ST6GALNAC3: variants seen among roughly 807,000 people sequenced by gnomAD.
ST6GALNAC3 encodes alpha-N-acetylgalactosaminide alpha-2,6-sialyltransferase 3.
A neutral mutation model predicts 32.7 loss-of-function variants in ST6GALNAC3; 25 were observed. That is an observed-to-expected ratio of 0.76 (90% CI 0.56 to 1.07). The LOEUF is 1.07. ST6GALNAC3 is among the 50% of genes least tolerant of loss of function. The pLI, the probability that ST6GALNAC3 is intolerant of heterozygous loss-of-function variation, is 0.00. For missense variants in ST6GALNAC3, 355 were observed against 382.4 expected, an observed-to-expected ratio of 0.93 and a Z score of 0.60; for synonymous variants, 129 against 133.1, an observed-to-expected ratio of 0.97 and a Z score of 0.21.
At chr1:76,402,038 A>ATT (rs10665444) in intron 2 of ST6GALNAC3, among the ~76,000 whole-genome samples, 84,814 of 151,060 alleles carry the variant, frequency 0.56, 24,809 homozygotes, top group Non-Finnish European at 0.64. Flanking sequence ...ATGAATTTAT[A>ATT]TTTTTTTTTG....
At chr1:76,197,936 A>G (rs146913043) in intron 1 of ST6GALNAC3, among the ~76,000 whole-genome samples, 3 of 152,296 alleles carry the variant, frequency 2.0e-5, no homozygotes, top group African/African-American at 7.2e-5. Flanking sequence ...GTCTCCAGAT[A>G]TTTCAGGTAT....
chr1:76,325,844 T>C (rs1210748536), intron 2 of ST6GALNAC3, among the ~76,000 whole-genome samples: 1 of 151,574 alleles, frequency 6.6e-6, no homozygotes, highest in Non-Finnish European at 1.5e-5. Flanking sequence ...GTTTCATTGA[T>C]CAACATTTTT....
At chr1:76,373,796 T>C (rs1283325861) in intron 2 of ST6GALNAC3, among the ~76,000 whole-genome samples, 1 of 152,182 alleles carries the variant, frequency 6.6e-6, no homozygotes, top group Non-Finnish European at 1.5e-5. Context: ...GAGAAATAAA[T>C]GTTAGGTTTC....
At chr1:76,363,003 C>T (rs903429207) in intron 2 of ST6GALNAC3, among the ~76,000 whole-genome samples, 3 of 152,260 alleles carry the variant, frequency 2.0e-5, no homozygotes, top group Admixed American at 6.5e-5. Flanking sequence ...CTCCACATCT[C>T]TCCTCCACAT....
intron 1 of ST6GALNAC3, among the ~76,000 whole-genome samples, chr1:76,164,322 T>C (rs1014893487): frequency 1.3e-5 from 2 of 152,136 alleles, no homozygotes; most frequent in African/African-American, 2.4e-5. Context: ...TAAGTCAGTC[T>C]TCAGGCCAGT....
At chr1:76,514,119 C>T (rs1328421859) in intron 3 of ST6GALNAC3, among the ~76,000 whole-genome samples, 2 of 152,052 alleles carry the variant, frequency 1.3e-5, no homozygotes, top group African/African-American at 4.8e-5. Context: ...AATAGTTTGA[C>T]TTTCTTGTTT....
At chr1:76,220,845 GATTGTGACATTTGCACTTTCAAAAAAC>G in intron 1 of ST6GALNAC3, among the ~76,000 whole-genome samples, 1 of 152,288 alleles carries the variant, frequency 6.6e-6, no homozygotes, top group Non-Finnish European at 1.5e-5. Flanking sequence ...GATTATACTT[GATTGTGACATTTGCACTTTCAAAAAAC>G]ATTGCAAAAC....
chr1:76,232,665 C>T (rs1309398383), intron 1 of ST6GALNAC3, among the ~76,000 whole-genome samples: 3 of 152,244 alleles, frequency 2.0e-5, no homozygotes, highest in Admixed American at 6.5e-5. Context: ...CTGTCCTCCC[C>T]ATCACCAAGT....
chr1:76,293,574 C>T (rs1234856401), intron 1 of ST6GALNAC3, among the ~76,000 whole-genome samples: 2 of 152,190 alleles, frequency 1.3e-5, no homozygotes, highest in African/African-American at 4.8e-5. Context: ...ACACCAAAGG[C>T]AGGTGTCCTT....
chr1:76,130,939 G>C (rs189736308), intron 1 of ST6GALNAC3, among the ~76,000 whole-genome samples: 280 of 152,360 alleles, frequency 1.8e-3, no homozygotes, highest in African/African-American at 6.3e-3. Flanking sequence ...CAGGGCCTGG[G>C]CCATGGCTTG....
At chr1:76,409,458 T>C (rs1311467998) in intron 2 of ST6GALNAC3, among the ~76,000 whole-genome samples, 1 of 151,938 alleles carries the variant, frequency 6.6e-6, no homozygotes, top group Non-Finnish European at 1.5e-5. Flanking sequence ...AAGAAACTAA[T>C]TTAAGTTAAT....
chr1:76,478,876 C>G (rs556608881), intron 3 of ST6GALNAC3, among the ~76,000 whole-genome samples: 206 of 149,684 alleles, frequency 1.4e-3, no homozygotes, highest in Admixed American at 1.1e-3. Flanking sequence ...CATTCTCCTG[C>G]CTCAGCCTCC....
intron 1 of ST6GALNAC3, among the ~76,000 whole-genome samples, chr1:76,095,011 C>T (rs985945616): frequency 6.6e-6 from 1 of 152,018 alleles, no homozygotes; most frequent in Non-Finnish European, 1.5e-5. Context: ...TTTCTGGTCA[C>T]CTGTATGTAT....
intron 2 of ST6GALNAC3, among the ~76,000 whole-genome samples, chr1:76,366,281 C>T (rs539266637): frequency 6.6e-6 from 1 of 152,098 alleles, no homozygotes; most frequent in African/African-American, 2.4e-5. Context: ...CTTTTAGAAA[C>T]CTGATCTGAC....
At chr1:76,199,410 C>G (rs549551941) in intron 1 of ST6GALNAC3, among the ~76,000 whole-genome samples, 1 of 152,164 alleles carries the variant, frequency 6.6e-6, no homozygotes, top group Non-Finnish European at 1.5e-5. Context: ...AGTAGTAGAG[C>G]TGTGCTTCTG....
At chr1:76,082,143 T>A (rs1646904942) in intron 1 of ST6GALNAC3, among the ~76,000 whole-genome samples, 2 of 152,180 alleles carry the variant, frequency 1.3e-5, no homozygotes, top group Admixed American at 1.3e-4. Context: ...AATTTCTGTT[T>A]GTAAGAATTT....
intron 3 of ST6GALNAC3, among the ~76,000 whole-genome samples, chr1:76,434,238 CTGTTTTTACATGCTTGTAAAGT>C (rs1174292211): frequency 1.3e-5 from 2 of 152,102 alleles, no homozygotes; most frequent in South Asian, 2.1e-4. Flanking sequence ...GAGAGGAGGC[CTGTTTTTACATGCTTGTAAAGT>C]TGTTTTTACA....
chr1:76,406,526 G>A (rs906244442), intron 2 of ST6GALNAC3, among the ~76,000 whole-genome samples: 1 of 151,902 alleles, frequency 6.6e-6, no homozygotes, highest in African/African-American at 2.4e-5. Flanking sequence ...ATTTCAAGCT[G>A]AAAATATCAA....
intron 3 of ST6GALNAC3, among the ~76,000 whole-genome samples, chr1:76,511,720 A>G (rs1661875803): frequency 2.0e-5 from 3 of 152,228 alleles, no homozygotes; most frequent in Admixed American, 2.0e-4. Context: ...AGAGAGAGGC[A>G]GTACAATCAT....
Sources: allele counts gnomAD v4.1 joint callset (sites outside exome capture counted in the v4.1 genomes callset), GRCh38; gene constraint gnomAD v4.1.1; transcripts MANE v1.5; gene names NCBI Gene and HGNC (gene_info 2026-07-23, HGNC 2026-07-21).